Variants in THRB observed in about 807,000 individuals in gnomAD.
THRB encodes the protein thyroid hormone receptor beta, also known as nuclear receptor subfamily 1 group A member 2.
A neutral mutation model predicts 47.8 loss-of-function variants in THRB; 12 were observed. The observed-to-expected ratio is 0.25, with a 90% CI of 0.16 to 0.41. The LOEUF (loss-of-function observed/expected upper bound fraction) is 0.41. THRB is among the 10% of genes least tolerant of loss of function. The pLI is 1.00. For synonymous variants in THRB, 218 were observed against 212.2 expected, an observed-to-expected ratio of 1.03 and a Z score of -0.24; for missense variants, 348 against 589.2, an observed-to-expected ratio of 0.59 and a Z score of 4.24.
chr3:24,300,613 C>T (rs1379482735), intron 2 of THRB, among the ~76,000 whole-genome samples: 1 of 152,102 alleles, frequency 6.6e-6, no homozygotes, highest in East Asian at 1.9e-4. Context: ...ATAGAGTTTG[C>T]CAGATTGCTT....
intron 4 of THRB, among the ~76,000 whole-genome samples, chr3:24,217,983 C>G (rs2046750236): frequency 6.6e-6 from 1 of 152,118 alleles, no homozygotes; most frequent in Middle Eastern, 3.2e-3. Flanking sequence ...AATATCTTTC[C>G]TGGCCGGGTG....
At chr3:24,343,086 T>A (rs1486701280) in intron 1 of THRB, among the ~76,000 whole-genome samples, 1 of 152,226 alleles carries the variant, frequency 6.6e-6, no homozygotes, top group Non-Finnish European at 1.5e-5. Context: ...TGTTGTGCAT[T>A]AGGAATATTA....
At chr3:24,197,923 A>C (rs1342432960) in intron 4 of THRB, among the ~76,000 whole-genome samples, 1 of 152,176 alleles carries the variant, frequency 6.6e-6, no homozygotes, top group Non-Finnish European at 1.5e-5. Flanking sequence ...TTACTTTGGC[A>C]TTTGTATCGG....
intron 4 of THRB, among the ~76,000 whole-genome samples, chr3:24,224,148 C>T (rs531906754): frequency 3.3e-5 from 5 of 152,136 alleles, no homozygotes; most frequent in African/African-American, 1.2e-4. Context: ...TTTGACCCAT[C>T]ATTTCCTTTA....
chr3:24,249,560 A>G (rs140131208), intron 3 of THRB, among the ~76,000 whole-genome samples: 277 of 152,272 alleles, frequency 1.8e-3, no homozygotes, highest in African/African-American at 6.4e-3. Flanking sequence ...CCCAGAACTT[A>G]AACAATCAAT....
intron 4 of THRB, among the ~76,000 whole-genome samples, chr3:24,199,227 C>T (rs146529013): frequency 1.2e-4 from 19 of 152,336 alleles, no homozygotes; most frequent in Admixed American, 5.2e-4. Context: ...TTGATCAATA[C>T]GGTCTGCTGA....
intron 4 of THRB, among the ~76,000 whole-genome samples, chr3:24,206,676 G>C (rs945175935): frequency 2.0e-5 from 3 of 152,066 alleles, no homozygotes; most frequent in Non-Finnish European, 4.4e-5. Context: ...AGGAGATAGA[G>C]ATACAAAAAC....
chr3:24,246,121 A>G (rs1470173596), intron 3 of THRB, among the ~76,000 whole-genome samples: 1 of 152,210 alleles, frequency 6.6e-6, no homozygotes, highest in African/African-American at 2.4e-5. Flanking sequence ...GTAGGAATTA[A>G]ATGAGTTCAT....
chr3:24,181,432 A>G (rs1164280367), intron 5 of THRB, among the ~76,000 whole-genome samples: 1 of 152,216 alleles, frequency 6.6e-6, no homozygotes, highest in Non-Finnish European at 1.5e-5. Context: ...ACATTCTCCT[A>G]TGTGTTTACT....
At chr3:24,170,313 G>A (rs1014726231) in intron 5 of THRB, among the ~76,000 whole-genome samples, 4 of 152,020 alleles carry the variant, frequency 2.6e-5, no homozygotes, top group East Asian at 1.9e-4. Context: ...CCTTCTCTCC[G>A]CTGCCATCTC....
rs966202848 is a variant in THRB, at chr3:24,187,358, C to A, written c.283+2716G>T. ...AGTCCCCAAACCACGCTTAGAAGTG[C>A]ACTGGTCTAGCCTGGCTAGATGACT... is the stretch of plus-strand genomic sequence containing the variant. On this transcript the variant is annotated intron_variant, in intron 5 of 10. Transcript: ENST00000646209. Among the ~76,000 whole-genome samples the A allele has an allele frequency of 5.3e-5, 8 of 152,328 alleles. No homozygotes were observed. In the East Asian group the frequency reaches 1.5e-3, roughly 29 times the overall value.
chr3:24,492,955 G>T (rs567134662), intron 1 of THRB, among the ~76,000 whole-genome samples: 1 of 152,160 alleles, frequency 6.6e-6, no homozygotes, highest in Non-Finnish European at 1.5e-5. Context: ...CTAGCAGATG[G>T]TCTCACTTCC....
chr3:24,404,547 C>T lies in THRB; in HGVS notation c.-260-67176G>A, dbSNP rs535012479. Among the ~76,000 whole-genome samples, 7 of 151,974 alleles carry T rather than the reference C, an allele frequency of 4.6e-5. No individual in the cohort carries two copies. The East Asian group carries it at 7.8e-4, about 17-fold the overall frequency. The stretch of plus-strand genomic sequence containing the variant: ...GAGAATTCAGTTGACTTCTATTAGG[C>T]CAGACATGCAAAATTGTAAACAATG... On this transcript the variant is annotated intron_variant, in intron 1 of 10. Transcript: ENST00000646209.
intron 1 of THRB, among the ~76,000 whole-genome samples, chr3:24,406,191 T>C (rs1050752573): frequency 6.6e-6 from 1 of 151,718 alleles, no homozygotes; most frequent in Non-Finnish European, 1.5e-5. Flanking sequence ...TGCTAGACTT[T>C]TGAGAAAAAT....
intron 3 of THRB, among the ~76,000 whole-genome samples, chr3:24,291,914 A>G (rs1414566448): frequency 3.3e-5 from 5 of 152,104 alleles, no homozygotes; most frequent in African/African-American, 1.2e-4. Context: ...ATATATATGT[A>G]TATATATATG....
At position 24,307,471 on chromosome 3, in the gene THRB, C is replaced by T. The variant is rs188678677; in HGVS notation, c.-188-10100G>A. ...ACATCATAACCGAACCATTTTCCCA[C>T]GCTATAACCTCTTCATAAACAGCAC... On this transcript the variant is annotated intron_variant, in intron 2 of 10. Transcript: ENST00000646209. Among the ~76,000 whole-genome samples the T allele has an allele frequency of 2.0e-4, 31 of 152,174 alleles. No homozygotes were observed. The East Asian group carries it at 3.9e-3, about 19-fold the overall frequency.
At chr3:24,444,679 C>T (rs2071887150) in intron 1 of THRB, among the ~76,000 whole-genome samples, 1 of 152,188 alleles carries the variant, frequency 6.6e-6, no homozygotes, top group Non-Finnish European at 1.5e-5. Context: ...TCTCGGCTCA[C>T]TGCAACCTTG....
At chr3:24,375,708 C>A (rs1183831010) in intron 1 of THRB, among the ~76,000 whole-genome samples, 1 of 151,808 alleles carries the variant, frequency 6.6e-6, no homozygotes, top group East Asian at 1.9e-4. Flanking sequence ...ATCATCACAG[C>A]CCTGAAAAGT....
intron 1 of THRB, among the ~76,000 whole-genome samples, chr3:24,374,800 G>A (rs1435095739): frequency 6.6e-6 from 1 of 152,024 alleles, no homozygotes; most frequent in Non-Finnish European, 1.5e-5. Context: ...AATCATGTTG[G>A]TTGCTAATAA....
Sources: allele counts gnomAD v4.1 joint callset (sites outside exome capture counted in the v4.1 genomes callset), GRCh38; gene constraint gnomAD v4.1.1; transcripts MANE v1.5; gene names NCBI Gene and HGNC (gene_info 2026-07-23, HGNC 2026-07-21).